LONP1: variants seen among roughly 807,000 people sequenced by gnomAD.
LONP1 encodes the protein lon peptidase 1, mitochondrial, also known as lon protease homolog, mitochondrial.
A neutral mutation model predicts 98.5 loss-of-function variants in LONP1; 31 were observed. The observed-to-expected ratio is 0.31, with a 90% confidence interval of 0.24 to 0.42. LONP1 has a LOEUF of 0.42. Ranked by LOEUF, LONP1 falls within the 20% of genes least tolerant of loss-of-function variation. LONP1 has a pLI of 1.00. For missense variants in LONP1, 1,336 were observed against 1,350.6 expected (o/e 0.99, Z 0.17); for synonymous variants, 781 against 594.7 (o/e 1.31, Z -4.56).
At chr19:5,711,495 A>G (rs976505178) in intron 4 of LONP1, among the ~76,000 whole-genome samples, 2 of 152,186 alleles carry the variant, frequency 1.3e-5, no homozygotes, top group African/African-American at 4.8e-5. Flanking sequence ...CACAGGGGAC[A>G]CGGGCTGGGG....
Position 5,713,475 on chromosome 19 carries a change from G to A in LONP1, c.519-222C>T, listed in dbSNP as rs118168835. Among the ~76,000 whole-genome samples the A allele has an allele frequency of 0.017, 2,636 of 152,294 alleles. 46 individuals carry two copies. The highest frequency in any genetic ancestry group is 0.035 in the East Asian group (183 of 5,178). On this transcript the variant is annotated intron_variant, in intron 2 of 17. Coordinates refer to ENST00000360614, the MANE Select transcript of LONP1 (RefSeq NM_004793.4). ...CACAGGACCGGGTGGGTGGCTCCTC[G>A]CTAAGTCAGCCACAAAGACATGGTC...
At chr19:5,695,261 G>A (rs1247241679) in intron 13 of LONP1, among the ~76,000 whole-genome samples, 1 of 152,132 alleles carries the variant, frequency 6.6e-6, no homozygotes, top group Non-Finnish European at 1.5e-5. Flanking sequence ...ATGAGGAAGG[G>A]GACTGGGTCA....
At chr19:5,709,557 A>AG (rs2055203347) in intron 4 of LONP1, among the ~76,000 whole-genome samples, 1 of 151,990 alleles carries the variant, frequency 6.6e-6, no homozygotes, top group Non-Finnish European at 1.5e-5. Flanking sequence ...GAACTGTCTG[A>AG]GCTGACCCTG....
At chr19:5,694,993 C>T (rs1599446052) in intron 13 of LONP1, 92 bp from the exon 14 acceptor site, 2 of 1,428,130 alleles carry the variant, frequency 1.4e-6, no homozygotes, top group Non-Finnish European at 1.9e-6. Flanking sequence ...CCATGGCCCC[C>T]AGACCCTGGC....
intron 6 of LONP1, among the ~76,000 whole-genome samples, chr19:5,707,469 T>C (rs150085567): frequency 2.0e-5 from 3 of 152,038 alleles, no homozygotes; most frequent in Non-Finnish European, 4.4e-5. Context: ...CCGAAGGCTA[T>C]GAAGCCACCG....
intron 3 of LONP1, 49 bp downstream of exon 3, chr19:5,713,085 C>A (rs750111132): frequency 4.3e-6 from 7 of 1,612,282 alleles, no homozygotes; most frequent in Non-Finnish European, 5.9e-6. Flanking sequence ...GCTGGTCTCC[C>A]GCGTGGTACT....
rs1439340496 is a variant in LONP1 at position 5,708,734 on chromosome 19, C to T, written c.871-331G>A. On this transcript the variant is annotated intron_variant, in intron 4 of 17. Transcript: ENST00000360614. ...CATTTTTTAAGAGACCAAGTCTTGGCCGGGCGTGGTGGCTCACGCCTGTAA... is the reference window on the plus strand; with the variant it reads ...CATTTTTTAAGAGACCAAGTCTTGGTCGGGCGTGGTGGCTCACGCCTGTAA... 1.2e-5 allele frequency: 3 copies of T among 247,184 alleles called. No homozygotes were observed. In the East Asian group the frequency reaches 2.2e-4, roughly 18 times the overall value. 15.3% of individuals were successfully genotyped at this position (247,184 alleles called of 1,614,324 possible). A position where few individuals can be genotyped will look rare whatever the true frequency, so the allele number is the denominator to read the frequency against.
In LONP1 at chr19:5,714,093, G is replaced by A. The variant is rs528604927; in HGVS notation, c.518+90C>T. 77 of 974,194 alleles carry A rather than the reference G, an allele frequency of 7.9e-5. No homozygotes were observed. The South Asian group carries it at 1.1e-3, about 14-fold the overall frequency. The allele number at this position is 974,194 out of a possible 1,614,324, so 60.3% of individuals were successfully genotyped here. A position where few individuals can be genotyped will look rare whatever the true frequency, so the allele number is the denominator to read the frequency against. On this transcript the variant is annotated intron_variant, in intron 2 of 17. Transcript: ENST00000360614. ...CTTCCCTGGTTTCCTCGGGGTCAGG[G>A]GTCAAAGGTGCAAAGTACAGAGTAG...
Position 5,696,177 on chromosome 19 carries a change from G to A in LONP1, c.1897-7C>T. 1 of 1,612,882 alleles carries A rather than the reference G, an allele frequency of 6.2e-7. No homozygotes were observed. The highest frequency in any genetic ancestry group is 8.5e-7 in the Non-Finnish European group (1 of 1,179,856). ...CCGTGCAGATGAACAGCACCTGGGG[G>A]CGGCGGCAAGGTGCTGGGGGACTGG... is the stretch of plus-strand genomic sequence containing the variant. On this transcript the variant is annotated splice_polypyrimidine_tract_variant and splice_region_variant and intron_variant, in intron 12 of 17. Transcript: ENST00000360614.
chr19:5,698,966 G>T, intron 10 of LONP1, 61 bp downstream of exon 10: 4 of 1,502,468 alleles, frequency 2.7e-6, no homozygotes, highest in Non-Finnish European at 2.7e-6. Context: ...GACCGGAGAA[G>T]ACGAAGCCCG....
chr19:5,696,686 AG>A lies in LONP1; in HGVS notation c.1756del (p.Leu586Ter). 1 of 1,613,610 alleles carries A rather than the reference AG, an allele frequency of 6.2e-7. No individual in the cohort carries two copies. The highest frequency in any genetic ancestry group is 1.7e-5 in the Admixed American group (1 of 60,006). ...CGCACGCACCTCGTCGATGAGGATC[AG>A]GGGGTTCTCCGTCTTGGTCTTCTTC... ...CLKKTKTENPLILIDEVDKIG... is the reference protein window; with the variant it reads ...CLKKTKTENPXILIDEVDKIG... On this transcript the variant is annotated frameshift_variant, in exon 11 of 18. Transcript: ENST00000360614. LOFTEE classifies it high-confidence loss of function.
chr19:5,720,400 T>C (rs894601516), upstream of LONP1: 3 of 586,196 alleles, frequency 5.1e-6, no homozygotes, highest in African/African-American at 3.9e-5. Flanking sequence ...AAAACACTGG[T>C]AGTGTTGCAA....
At chr19:5,698,820 G>A (rs1451596598) in intron 10 of LONP1, among the ~76,000 whole-genome samples, 1 of 152,242 alleles carries the variant, frequency 6.6e-6, no homozygotes, top group Non-Finnish European at 1.5e-5. Context: ...AGCCATGGAG[G>A]TTCCTGCCAG....
intron 8 of LONP1, among the ~76,000 whole-genome samples, chr19:5,705,161 TA>T (rs796726965): frequency 3.8e-3 from 472 of 125,738 alleles, no homozygotes; most frequent in Middle Eastern, 0.02. Flanking sequence ...GACTCTGTCT[TA>T]AAAAAAAAAA....
rs148182062 is a variant in LONP1, at chr19:5,696,562, G to A, written c.1773+108C>T. On this transcript the variant is annotated intron_variant, in intron 11 of 17. Transcript: ENST00000360614. ...TCCGTGCCATCAGGGCCAGCATCAC[G>A]GCGATGGCCCCTGAGTTGGCTCGGG... 1.3e-3 allele frequency: 1,646 copies of A among 1,314,528 alleles called. 26 individuals are homozygous for A. The South Asian group carries it at 0.013, about 10-fold the overall frequency. The allele number at this position is 1,314,528 out of a possible 1,614,324, so 81.4% of individuals were successfully genotyped here.
rs147337843 is a variant in LONP1 at position 5,698,520 on chromosome 19, G to C, written c.1685+507C>G. Among the ~76,000 whole-genome samples the C allele has an allele frequency of 2.0e-4, 31 of 152,324 alleles. No individual in the cohort carries two copies. The East Asian group carries it at 5.8e-3, about 28-fold the overall frequency. On this transcript the variant is annotated intron_variant, in intron 10 of 17. Transcript: ENST00000360614. The stretch of plus-strand genomic sequence containing the variant: ...GGCCGTGGCCCCTGCTTCTGGGCCT[G>C]AGGCTGGCCGGGACGAGTGAGCCCA...
chr19:5,718,284 C>T (rs890987676), intron 1 of LONP1, among the ~76,000 whole-genome samples: 1 of 152,032 alleles, frequency 6.6e-6, no homozygotes, highest in East Asian at 1.9e-4. Context: ...TCGAGACGAG[C>T]GTGGGCAACA....
In LONP1 at chr19:5,691,851, A is replaced by G; in HGVS notation, c.*181T>C. The G allele has an allele frequency of 1.2e-6, 1 of 814,266 alleles. No individual in the cohort carries two copies. The highest frequency in any genetic ancestry group is 1.9e-6 in the Non-Finnish European group (1 of 524,824). The allele number at this position is 814,266 out of a possible 1,614,324, so 50.4% of individuals were successfully genotyped here. A position where few individuals can be genotyped will look rare whatever the true frequency, so the allele number is the denominator to read the frequency against. On this transcript the variant is annotated 3_prime_UTR_variant, in exon 18 of 18. Coordinates refer to ENST00000360614, the MANE Select transcript of LONP1 (RefSeq NM_004793.4). ...AGCCGCCGTACTGCAAATGACTTTAATCATTAAATAGCTTCTATGCCACAC... is the reference window on the plus strand; with the variant it reads ...AGCCGCCGTACTGCAAATGACTTTAGTCATTAAATAGCTTCTATGCCACAC...
intron 7 of LONP1, among the ~76,000 whole-genome samples, chr19:5,706,270 G>A (rs1226539337): frequency 1.3e-5 from 2 of 151,948 alleles, no homozygotes; most frequent in African/African-American, 2.4e-5. Context: ...CTGAGTAACT[G>A]GGACCACAGG....
Sources: gnomAD v4.1 joint callset for allele counts (sites outside exome capture counted in the v4.1 genomes callset) on GRCh38, gnomAD v4.1.1 for gene constraint, MANE v1.5 for transcripts, NCBI Gene and HGNC (gene_info 2026-07-23, HGNC 2026-07-21) for gene names.